Variants in EXOC4 observed in about 807,000 individuals in gnomAD.
EXOC4 encodes SEC8-like 1.
In EXOC4, 71 loss-of-function variants were observed where a neutral mutation model predicts 107.2. The ratio of observed to expected loss-of-function variants is 0.66; its 90% CI spans 0.55 to 0.81. EXOC4 has a LOEUF of 0.81. Among genes scored for constraint, EXOC4 ranks in the 30% least tolerant of loss-of-function variants. The pLI, the probability that EXOC4 is intolerant of heterozygous loss-of-function variation, is 0.00. For missense variants in EXOC4, 1,108 were observed against 1,189.6 expected (o/e 0.93, Z 1.01); for synonymous variants, 456 against 441.2 (o/e 1.03, Z -0.42).
chr7:133,579,854 T>C lies in EXOC4; in HGVS notation c.1418-50191T>C, dbSNP rs537698253. On this transcript the variant is annotated intron_variant, in intron 9 of 17. Coordinates refer to ENST00000253861, the MANE Select transcript of EXOC4 (RefSeq NM_021807.4). Reference sequence around the variant, plus strand: ...GGCACGCGCCACCACGCCCAGCTAATTTTTTGTATTTTTAGTTGAGATGGG... The same window carrying C: ...GGCACGCGCCACCACGCCCAGCTAACTTTTTGTATTTTTAGTTGAGATGGG... 2.0e-5 allele frequency among the ~76,000 whole-genome samples: 3 copies of C among 151,916 alleles called. No individual in the cohort carries two copies. In the South Asian group the frequency reaches 6.3e-4, roughly 32 times the overall value.
chr7:133,884,618 T>TGCGC (rs983672819), intron 11 of EXOC4, among the ~76,000 whole-genome samples: 2 of 145,498 alleles, frequency 1.4e-5, no homozygotes, highest in South Asian at 2.1e-4. Flanking sequence ...TGTGTGTGTG[T>TGCGC]GTGCGCGCGT....
intron 10 of EXOC4, among the ~76,000 whole-genome samples, chr7:133,805,105 C>T (rs1797042717): frequency 6.6e-6 from 1 of 152,004 alleles, no homozygotes; most frequent in South Asian, 2.1e-4. Flanking sequence ...TCAGAAGGAA[C>T]TTAATTCTAA....
intron 10 of EXOC4, among the ~76,000 whole-genome samples, chr7:133,757,785 TAAACTCATTTA>T (rs1562985325): frequency 3.3e-5 from 5 of 152,236 alleles, no homozygotes; most frequent in Non-Finnish European, 7.3e-5. Context: ...TCTGTGTTTA[TAAACTCATTTA>T]ATCCCCTTAA....
chr7:133,370,083 T>C (rs146536147), intron 6 of EXOC4, among the ~76,000 whole-genome samples: 5,829 of 151,990 alleles, frequency 0.038, 698 homozygotes, highest in Admixed American at 0.25. Context: ...TGAGCCACTG[T>C]GCCTGGCCTC....
chr7:133,704,971 C>T (rs896337963), intron 10 of EXOC4, among the ~76,000 whole-genome samples: 9 of 152,164 alleles, frequency 5.9e-5, no homozygotes, highest in Admixed American at 5.2e-4. Context: ...TACCTTAGAT[C>T]TTAGTAACCT....
At chr7:133,639,668 G>A (rs1304750071) in intron 10 of EXOC4, among the ~76,000 whole-genome samples, 1 of 152,070 alleles carries the variant, frequency 6.6e-6, no homozygotes, top group Non-Finnish European at 1.5e-5. Context: ...TCATTTTTTG[G>A]TAAGAGTAGT....
chr7:133,936,304 A>G (rs942788001), intron 13 of EXOC4, among the ~76,000 whole-genome samples: 10 of 152,224 alleles, frequency 6.6e-5, no homozygotes, highest in African/African-American at 2.4e-4. Flanking sequence ...ACTTGGTAGG[A>G]TAAACATTTT....
At chr7:133,810,409 T>G (rs1477100415) in intron 10 of EXOC4, among the ~76,000 whole-genome samples, 1 of 152,094 alleles carries the variant, frequency 6.6e-6, no homozygotes, top group East Asian at 1.9e-4. Context: ...TTGGGTGAAA[T>G]GTTCATAGTG....
chr7:133,385,698 G>A (rs528853747), intron 7 of EXOC4, among the ~76,000 whole-genome samples: 1 of 151,780 alleles, frequency 6.6e-6, no homozygotes, highest in East Asian at 1.9e-4. Flanking sequence ...AAACTGTGAT[G>A]GGTTTTAAAT....
chr7:133,867,659 G>A (rs1488415503), intron 11 of EXOC4, among the ~76,000 whole-genome samples: 12 of 152,194 alleles, frequency 7.9e-5, no homozygotes, highest in Admixed American at 7.8e-4. Context: ...TCTCTCAGAA[G>A]ATTATCCTGC....
chr7:133,747,649 A>G (rs1021910535), intron 10 of EXOC4, among the ~76,000 whole-genome samples: 8 of 152,176 alleles, frequency 5.3e-5, no homozygotes, highest in Non-Finnish European at 1.0e-4. Flanking sequence ...TGGTAAAATG[A>G]TGATGGTGAT....
intron 9 of EXOC4, among the ~76,000 whole-genome samples, chr7:133,561,955 G>T (rs1016007831): frequency 2.0e-5 from 3 of 152,194 alleles, no homozygotes; most frequent in Admixed American, 1.3e-4. Context: ...TCAAATGTAT[G>T]CATAGCTCAC....
chr7:134,001,524 A>G (rs1172131679), intron 15 of EXOC4, among the ~76,000 whole-genome samples: 1 of 152,078 alleles, frequency 6.6e-6, no homozygotes, highest in Non-Finnish European at 1.5e-5. Context: ...ACCTTAAAGA[A>G]AGGTTATATG....
intron 6 of EXOC4, among the ~76,000 whole-genome samples, chr7:133,364,523 A>T (rs1161585676): frequency 6.6e-6 from 1 of 152,152 alleles, no homozygotes; most frequent in Non-Finnish European, 1.5e-5. Context: ...AGCACTACTC[A>T]CAGTGGGTCT....
chr7:133,874,947 T>C (rs991943967), intron 11 of EXOC4, among the ~76,000 whole-genome samples: 1 of 152,222 alleles, frequency 6.6e-6, no homozygotes, highest in African/African-American at 2.4e-5. Flanking sequence ...ATGTAATCTT[T>C]AAAAGGACAA....
intron 5 of EXOC4, among the ~76,000 whole-genome samples, chr7:133,329,012 T>G (rs1795316195): frequency 6.6e-6 from 1 of 152,166 alleles, no homozygotes; most frequent in Non-Finnish European, 1.5e-5. Flanking sequence ...CTGAAGAATG[T>G]TTTCTAACTT....
intron 5 of EXOC4, among the ~76,000 whole-genome samples, chr7:133,319,483 T>TTTTA (rs953832879): frequency 1.6e-4 from 24 of 152,148 alleles, no homozygotes; most frequent in African/African-American, 1.7e-4. Flanking sequence ...TGTATAAACC[T>TTTTA]TTTATTTATT....
chr7:133,404,914 A>G (rs1360548483), intron 7 of EXOC4, among the ~76,000 whole-genome samples: 2 of 119,732 alleles, frequency 1.7e-5, no homozygotes, highest in Non-Finnish European at 3.3e-5. Context: ...GCACACACAC[A>G]CACACACACA....
At chr7:133,895,833 A>G (rs1207923122) in intron 12 of EXOC4, 98 bp downstream of exon 12, 3 of 1,330,974 alleles carry the variant, frequency 2.3e-6, no homozygotes, top group African/African-American at 1.5e-5. Flanking sequence ...CAAAAGGATC[A>G]TCTCTGAGTT....
Sources: gnomAD v4.1 joint callset for allele counts (sites outside exome capture counted in the v4.1 genomes callset) on GRCh38, gnomAD v4.1.1 for gene constraint, MANE v1.5 for transcripts, NCBI Gene and HGNC (gene_info 2026-07-23, HGNC 2026-07-21) for gene names.